NAALADL2: variants seen among roughly 807,000 people sequenced by gnomAD.
The protein encoded by NAALADL2 is N-acetylated alpha-linked acidic dipeptidase like 2, also known as inactive N-acetylated-alpha-linked acidic dipeptidase-like protein 2.
NAALADL2 carries 76 observed loss-of-function variants against 87.2 expected under a neutral mutation model. The ratio of observed to expected loss-of-function variants is 0.87; its 90% CI spans 0.72 to 1.05. The LOEUF is 1.05. Ranked by LOEUF, NAALADL2 falls within the 50% of genes least tolerant of loss-of-function variation. The pLI is 0.00. For synonymous variants in NAALADL2, 354 were observed against 331.0 expected (o/e 1.07, Z -0.75); for missense variants, 1,089 against 945.8 (o/e 1.15, Z -1.99).
intron 8 of NAALADL2, among the ~76,000 whole-genome samples, chr3:175,468,437 G>T (rs1724408900): frequency 6.6e-6 from 1 of 151,960 alleles, no homozygotes; most frequent in Non-Finnish European, 1.5e-5. Context: ...TTTAAAGATT[G>T]GTAAACAAGT....
At chr3:174,624,645 A>G (rs940626550) in intron 2 of NAALADL2, among the ~76,000 whole-genome samples, 8 of 151,586 alleles carry the variant, frequency 5.3e-5, no homozygotes, top group Admixed American at 5.3e-4. Context: ...AAAAGTTGGC[A>G]TCATGTGGAG....
At chr3:175,764,298 G>C (rs566642061) in intron 13 of NAALADL2, among the ~76,000 whole-genome samples, 12 of 152,016 alleles carry the variant, frequency 7.9e-5, no homozygotes, top group African/African-American at 2.2e-4. Flanking sequence ...TTGTTTCTTT[G>C]GGAAAACACT....
chr3:174,707,488 C>T (rs915147602), intron 2 of NAALADL2, among the ~76,000 whole-genome samples: 25 of 152,044 alleles, frequency 1.6e-4, no homozygotes, highest in African/African-American at 5.8e-4. Context: ...GAGTTCATGT[C>T]CTTTGTAGCG....
At chr3:174,591,114 A>ATC (rs1717316729) in intron 2 of NAALADL2, among the ~76,000 whole-genome samples, 1 of 152,210 alleles carries the variant, frequency 6.6e-6, no homozygotes, top group Non-Finnish European at 1.5e-5. Flanking sequence ...AAGGAGACTG[A>ATC]TAGACTAAGA....
At chr3:175,492,225 C>T (rs1728205486) in intron 9 of NAALADL2, among the ~76,000 whole-genome samples, 1 of 152,088 alleles carries the variant, frequency 6.6e-6, no homozygotes, top group African/African-American at 2.4e-5. Context: ...AAAGTTTTTC[C>T]TTCCACAACT....
chr3:174,453,752 C>T (rs910251980), intron 1 of NAALADL2, among the ~76,000 whole-genome samples: 3 of 152,100 alleles, frequency 2.0e-5, no homozygotes, highest in African/African-American at 4.8e-5. Flanking sequence ...TACAAGAGCT[C>T]CTAAAGGAAG....
intron 2 of NAALADL2, among the ~76,000 whole-genome samples, chr3:174,633,649 T>G (rs1018319059): frequency 2.0e-5 from 3 of 152,208 alleles, no homozygotes; most frequent in Non-Finnish European, 2.9e-5. Context: ...CTCCTTCCTT[T>G]TAGAGGCAAA....
At chr3:174,615,758 T>C (rs1315011672) in intron 2 of NAALADL2, among the ~76,000 whole-genome samples, 1 of 152,050 alleles carries the variant, frequency 6.6e-6, no homozygotes, top group African/African-American at 2.4e-5. Context: ...CTGTTAACTC[T>C]GGGATCAGTA....
chr3:175,194,471 C>G (rs1738685557), intron 2 of NAALADL2, among the ~76,000 whole-genome samples: 1 of 151,784 alleles, frequency 6.6e-6, no homozygotes, highest in Non-Finnish European at 1.5e-5. Context: ...AAAATTACAG[C>G]AATCTGTCAC....
Position 175,764,707 on chromosome 3 carries a change from T to A in NAALADL2, c.2189+9289T>A, listed in dbSNP as rs545169752. On this transcript the variant is annotated intron_variant, in intron 13 of 13. Coordinates refer to ENST00000454872, the MANE Select transcript of NAALADL2 (RefSeq NM_207015.3). ...GAAAGATGTTAGAACCAGTTTATAT[T>A]TAGGCAAGCAATGAAATGAGACGGA... 1.2e-4 allele frequency among the ~76,000 whole-genome samples: 18 copies of A among 152,208 alleles called. No homozygotes were observed. In the South Asian group the frequency reaches 2.9e-3, roughly 25 times the overall value.
intron 2 of NAALADL2, among the ~76,000 whole-genome samples, chr3:175,181,718 T>TGTATGC (rs1553802465): frequency 5.5e-5 from 4 of 72,414 alleles, no homozygotes; most frequent in Admixed American, 3.5e-4. Context: ...TGTGTGTGTG[T>TGTATGC]ATATATATGT....
rs532264923 is a variant in NAALADL2 at position 175,467,299 on chromosome 3, A to G, written c.1533+115A>G. The G allele has an allele frequency of 1.2e-5, 9 of 772,820 alleles. No homozygotes were observed. In the African/African-American group the frequency reaches 1.6e-4, roughly 14 times the overall value. 47.9% of individuals were successfully genotyped at this position (772,820 alleles called of 1,614,324 possible). ...ATGTGCTTCTCAACACAAGTGTCAT[A>G]TTGCCTAATTTGCTGAGATGGCTTA... On this transcript the variant is annotated intron_variant, in intron 8 of 13. Coordinates refer to ENST00000454872, the MANE Select transcript of NAALADL2 (RefSeq NM_207015.3).
chr3:174,757,593 G>C (rs1430146372), intron 3 of NAALADL2, among the ~76,000 whole-genome samples: 2 of 152,016 alleles, frequency 1.3e-5, no homozygotes, highest in Non-Finnish European at 1.5e-5. Flanking sequence ...CTGGGTTCCA[G>C]CGATTCTCCT....
chr3:175,271,723 A>G (rs1193508879), intron 4 of NAALADL2, among the ~76,000 whole-genome samples: 7 of 152,090 alleles, frequency 4.6e-5, no homozygotes. Flanking sequence ...ACAAGGGGGG[A>G]GGCAGAGGTT....
At chr3:174,541,298 G>A (rs957363470) in intron 1 of NAALADL2, among the ~76,000 whole-genome samples, 5 of 152,136 alleles carry the variant, frequency 3.3e-5, no homozygotes, top group Admixed American at 2.0e-4. Context: ...TCTGTTAACA[G>A]ATTTTTTTGA....
intron 2 of NAALADL2, among the ~76,000 whole-genome samples, chr3:175,173,529 T>C (rs1368854348): frequency 2.0e-5 from 3 of 152,060 alleles, no homozygotes; most frequent in Admixed American, 2.0e-4. Flanking sequence ...ATTTTTCAAA[T>C]AGTTTATTTT....
rs368146243 is a variant in NAALADL2, at chr3:175,619,236, A to G, written c.1801-8055A>G. ...AAAAGAGAGAAAGAGAGAAAGAAAG[A>G]AAGGAAGGAAGGAAGGAAGGAAGGA... On this transcript the variant is annotated intron_variant, in intron 10 of 13. Transcript: ENST00000454872. Among the ~76,000 whole-genome samples the G allele has an allele frequency of 9.3e-4, 133 of 142,410 alleles. 1 individual carries two copies. Among genetic ancestry groups the G allele is most frequent in the African/African-American group, 2.2e-3 (85 of 37,964 alleles). 93.4% of individuals were successfully genotyped at this position (142,410 alleles called of 152,430 possible).
chr3:175,511,736 A>G (rs941841206), intron 9 of NAALADL2, among the ~76,000 whole-genome samples: 5 of 152,220 alleles, frequency 3.3e-5, no homozygotes, highest in African/African-American at 1.2e-4. Context: ...ACAGATTCTG[A>G]CAGAGCCATA....
intron 1 of NAALADL2, among the ~76,000 whole-genome samples, chr3:174,981,645 G>A (rs1745127571): frequency 6.6e-6 from 1 of 152,156 alleles, no homozygotes; most frequent in Non-Finnish European, 1.5e-5. Flanking sequence ...AATGAAAGCT[G>A]AGAGTCTGCG....
Sources: allele counts gnomAD v4.1 joint callset (sites outside exome capture counted in the v4.1 genomes callset), GRCh38; gene constraint gnomAD v4.1.1; transcripts MANE v1.5; gene names NCBI Gene and HGNC (gene_info 2026-07-23, HGNC 2026-07-21).